Variants in MINDY4 observed in about 807,000 individuals in gnomAD.
MINDY4 encodes probable ubiquitin carboxyl-terminal hydrolase MINDY-4.
In MINDY4, 68 loss-of-function variants were observed where a neutral mutation model predicts 87.0. The ratio of observed to expected loss-of-function variants is 0.78; its 90% CI spans 0.64 to 0.96. MINDY4 has a LOEUF of 0.96. Ranked by LOEUF, MINDY4 falls within the 40% of genes least tolerant of loss-of-function variation. The pLI is 0.00. For synonymous variants in MINDY4, 379 were observed against 363.2 expected, an observed-to-expected ratio of 1.04 and a Z score of -0.50; for missense variants, 919 against 928.2, an observed-to-expected ratio of 0.99 and a Z score of 0.13.
intron 17 of MINDY4, among the ~76,000 whole-genome samples, chr7:30,885,925 C>G (rs1442102925): frequency 1.3e-5 from 2 of 152,316 alleles, no homozygotes; most frequent in Non-Finnish European, 2.9e-5. Flanking sequence ...GTGGGTCCAC[C>G]TTGGCAGTTG....
chr7:30,791,203 G>A lies in MINDY4; in HGVS notation c.702G>A (p.Pro234=), dbSNP rs200422890. The A allele has an allele frequency of 5.1e-5, 82 of 1,613,930 alleles. No homozygotes were observed. Among genetic ancestry groups the A allele is most frequent in the East Asian group, 3.8e-4 (17 of 44,868 alleles). The change falls in exon 5 of 18, where the codon CCG becomes CCA. Residue 234 remains proline (P), a synonymous_variant. Transcript: ENST00000265299. ...GACACTATCTGAGACGGTCCTCACC[G>A]TCAAGCAGCTCCACCCAACCCCAAG... The part of the protein sequence containing the change: ...FHRHYLRRSS[P]SSSSTQPQEE...
In MINDY4 at chr7:30,882,300, C is replaced by G; in HGVS notation, c.2091C>G (p.Leu697=). 1 of 1,613,908 alleles carries G rather than the reference C, an allele frequency of 6.2e-7. No individual in the cohort carries two copies. Among genetic ancestry groups the G allele is most frequent in the Non-Finnish European group, 8.5e-7 (1 of 1,179,840 alleles). ...GLLRDWRTER[L]FDLYYYDGLA... Reference sequence around the variant, plus strand: ...TGCGTGACTGGAGGACTGAGAGGCTCTTTGACTTGTACTACTACGATGGCC... The same window carrying G: ...TGCGTGACTGGAGGACTGAGAGGCTGTTTGACTTGTACTACTACGATGGCC... The change falls in exon 16 of 18, where the codon CTC becomes CTG. Residue 697 remains leucine, a synonymous_variant. Transcript: ENST00000265299.
chr7:30,785,073 C>T (rs1249676019), intron 3 of MINDY4, among the ~76,000 whole-genome samples: 9 of 141,512 alleles, frequency 6.4e-5, no homozygotes, highest in Non-Finnish European at 1.2e-4. Context: ...CTCTTGCCTT[C>T]TTTTTTTTTT....
At chr7:30,835,684 C>T (rs1788835782) in intron 6 of MINDY4, among the ~76,000 whole-genome samples, 1 of 152,188 alleles carries the variant, frequency 6.6e-6, no homozygotes, top group Non-Finnish European at 1.5e-5. Flanking sequence ...ACCACCCCCG[C>T]CCACACAGGC....
chr7:30,791,585 T>C lies in MINDY4; in HGVS notation c.1073+11T>C. 6.3e-7 allele frequency: 1 copy of C among 1,590,070 alleles called. No homozygotes were observed. The highest frequency in any genetic ancestry group is 8.6e-7 in the Non-Finnish European group (1 of 1,167,136). On this transcript the variant is annotated intron_variant, in intron 5 of 17. Coordinates refer to ENST00000265299, the MANE Select transcript of MINDY4 (RefSeq NM_032222.3). ...GCCCGCACCTGTCAGGTGAGTGTGCTATGCAAAGGTGACGGCTTTTCAAAA... is the reference window on the plus strand; with the variant it reads ...GCCCGCACCTGTCAGGTGAGTGTGCCATGCAAAGGTGACGGCTTTTCAAAA...
chr7:30,847,882 C>T (rs1219990912), intron 9 of MINDY4, among the ~76,000 whole-genome samples: 2 of 152,150 alleles, frequency 1.3e-5, no homozygotes. Context: ...TGGGACTGCA[C>T]ATGCCACCAC....
chr7:30,808,538 G>A (rs1787886751), intron 5 of MINDY4, among the ~76,000 whole-genome samples: 1 of 152,030 alleles, frequency 6.6e-6, no homozygotes, highest in South Asian at 2.1e-4. Context: ...GAAGAAGCAT[G>A]GGTCAGGCAC....
intron 6 of MINDY4, among the ~76,000 whole-genome samples, chr7:30,831,741 C>T (rs1289061473): frequency 6.6e-6 from 1 of 152,140 alleles, no homozygotes; most frequent in African/African-American, 2.4e-5. Flanking sequence ...GCTGTGTGGC[C>T]CATTCTCCCT....
chr7:30,854,515 G>A (rs1789514255), intron 12 of MINDY4, among the ~76,000 whole-genome samples: 1 of 151,726 alleles, frequency 6.6e-6, no homozygotes, highest in Non-Finnish European at 1.5e-5. Flanking sequence ...CTACGAAGCA[G>A]AGGAAGAACA....
chr7:30,867,357 T>TTTTTG (rs1789972145), intron 13 of MINDY4, among the ~76,000 whole-genome samples: 1 of 152,184 alleles, frequency 6.6e-6, no homozygotes, highest in South Asian at 2.1e-4. Context: ...TGGTTATTGT[T>TTTTTG]TTTTGTTTTG....
At chr7:30,838,868 TG>T (rs1788941422) in intron 7 of MINDY4, among the ~76,000 whole-genome samples, 1 of 152,178 alleles carries the variant, frequency 6.6e-6, no homozygotes, top group Non-Finnish European at 1.5e-5. Flanking sequence ...GTCTTGCCTG[TG>T]GAAGATCAGA....
At chr7:30,805,062 G>T (rs145216923) in intron 5 of MINDY4, among the ~76,000 whole-genome samples, 1 of 152,224 alleles carries the variant, frequency 6.6e-6, no homozygotes, top group African/African-American at 2.4e-5. Flanking sequence ...GTTCTCTTGT[G>T]TTTTGGGTTC....
chr7:30,883,123 T>C (rs1790522510), intron 17 of MINDY4, 130 bp downstream of exon 17: 7 of 855,164 alleles, frequency 8.2e-6, no homozygotes, highest in South Asian at 3.2e-5. Context: ...GGTGTGGTGA[T>C]TGGAAAGACA....
chr7:30,789,418 C>A (rs898723523), intron 4 of MINDY4, among the ~76,000 whole-genome samples: 1 of 152,156 alleles, frequency 6.6e-6, no homozygotes, highest in Admixed American at 6.5e-5. Flanking sequence ...GACATTGTGG[C>A]CTTTGAGTAC....
chr7:30,791,652 C>T, intron 5 of MINDY4, 78 bp downstream of exon 5: 2 of 1,421,266 alleles, frequency 1.4e-6, no homozygotes, highest in Non-Finnish European at 1.9e-6. Context: ...CCTAATGGCT[C>T]CGAAGGGAAC....
chr7:30,841,128 G>A (rs971202582), intron 9 of MINDY4, among the ~76,000 whole-genome samples: 1 of 152,174 alleles, frequency 6.6e-6, no homozygotes, highest in African/African-American at 2.4e-5. Flanking sequence ...TCCTCAGACG[G>A]CAAGCTGCCC....
intron 5 of MINDY4, among the ~76,000 whole-genome samples, chr7:30,808,959 C>CAG (rs768983149): frequency 7.7e-6 from 1 of 129,864 alleles, no homozygotes; most frequent in Non-Finnish European, 1.7e-5. Flanking sequence ...GAGAGAGAGG[C>CAG]AGAGAGAGAG....
chr7:30,807,282 T>G (rs1307938355), intron 5 of MINDY4, among the ~76,000 whole-genome samples: 1 of 152,134 alleles, frequency 6.6e-6, no homozygotes, highest in African/African-American at 2.4e-5. Flanking sequence ...TAAGGGCATT[T>G]TGGCAGGTAT....
chr7:30,840,446 A>G (rs1788996086), intron 8 of MINDY4, among the ~76,000 whole-genome samples: 1 of 152,122 alleles, frequency 6.6e-6, no homozygotes, highest in Non-Finnish European at 1.5e-5. Flanking sequence ...ACACAGAAAC[A>G]TTTCCCTAGA....
Sources: allele counts gnomAD v4.1 joint callset (sites outside exome capture counted in the v4.1 genomes callset), GRCh38; gene constraint gnomAD v4.1.1; transcripts MANE v1.5; gene names NCBI Gene and HGNC (gene_info 2026-07-23, HGNC 2026-07-21).